PTPRD: variants seen among roughly 807,000 people sequenced by gnomAD.
PTPRD encodes the protein protein tyrosine phosphatase receptor type D, also known as receptor-type tyrosine-protein phosphatase delta.
In PTPRD, 34 loss-of-function variants were observed where a neutral mutation model predicts 214.5. That is an observed-to-expected ratio of 0.16 (90% confidence interval 0.12 to 0.21). The LOEUF is 0.21. PTPRD is among the 10% of genes least tolerant of loss of function. The pLI is 1.00. For synonymous variants in PTPRD, 1,128 were observed against 845.7 expected, an observed-to-expected ratio of 1.33 and a Z score of -5.79; for missense variants, 2,545 against 2,398.7, an observed-to-expected ratio of 1.06 and a Z score of -1.27.
At chr9:8,639,849 C>G (rs2096534558) in intron 12 of PTPRD, among the ~76,000 whole-genome samples, 1 of 152,200 alleles carries the variant, frequency 6.6e-6, no homozygotes, top group South Asian at 2.1e-4. Context: ...TTCCCATACA[C>G]TTGGAGAATA....
At chr9:9,378,960 C>T (rs1596677314) in intron 9 of PTPRD, among the ~76,000 whole-genome samples, 1 of 151,356 alleles carries the variant, frequency 6.6e-6, no homozygotes, top group Non-Finnish European at 1.5e-5. Context: ...GGCTTATCTT[C>T]TCATTCTCTT....
chr9:8,967,941 C>A (rs568444037), intron 11 of PTPRD, among the ~76,000 whole-genome samples: 1 of 152,132 alleles, frequency 6.6e-6, no homozygotes, highest in Non-Finnish European at 1.5e-5. Context: ...GTGTGATGTT[C>A]CCCTTCCTGT....
At chr9:9,503,275 CAA>C (rs2096477541) in intron 8 of PTPRD, among the ~76,000 whole-genome samples, 1 of 89,702 alleles carries the variant, frequency 1.1e-5, no homozygotes, top group African/African-American at 6.5e-5. Context: ...GTACCTATAC[CAA>C]AAAAAGTTTT....
chr9:8,833,723 C>T (rs1280244188), intron 11 of PTPRD, among the ~76,000 whole-genome samples: 6 of 146,712 alleles, frequency 4.1e-5, no homozygotes, highest in African/African-American at 7.9e-5. Flanking sequence ...TATACACACA[C>T]ACACACACAC....
At chr9:10,082,134 T>C (rs2098248836) in intron 3 of PTPRD, among the ~76,000 whole-genome samples, 2 of 152,092 alleles carry the variant, frequency 1.3e-5, no homozygotes, top group South Asian at 4.1e-4. Context: ...AATCCAAAAT[T>C]CAATGATAGC....
intron 43 of PTPRD, among the ~76,000 whole-genome samples, chr9:8,337,620 A>G (rs1431306111): frequency 6.6e-6 from 1 of 151,950 alleles, no homozygotes; most frequent in African/African-American, 2.4e-5. Flanking sequence ...ACAAACAGCA[A>G]ATGTAGTAGC....
intron 14 of PTPRD, among the ~76,000 whole-genome samples, chr9:8,625,849 T>C (rs2096010415): frequency 6.6e-6 from 1 of 151,354 alleles, no homozygotes; most frequent in Non-Finnish European, 1.5e-5. Context: ...GATATGACTA[T>C]TCCCCGATTG....
At chr9:8,847,403 T>C (rs10815974) in intron 11 of PTPRD, among the ~76,000 whole-genome samples, 31,949 of 152,032 alleles carry the variant, frequency 0.21, 4,043 homozygotes, top group South Asian at 0.35. Context: ...TACACCCTGC[T>C]TCATGCTTCT....
intron 9 of PTPRD, among the ~76,000 whole-genome samples, chr9:9,340,439 A>G (rs2046340772): frequency 6.6e-6 from 1 of 152,230 alleles, no homozygotes; most frequent in African/African-American, 2.4e-5. Context: ...CATTATGGAT[A>G]AAATATTACC....
chr9:8,525,958 T>C, intron 17 of PTPRD, among the ~76,000 whole-genome samples: 1 of 150,960 alleles, frequency 6.6e-6, no homozygotes, highest in Non-Finnish European at 1.5e-5. Flanking sequence ...GATCCAAAAA[T>C]CCGGAGACGA....
At chr9:10,531,702 T>G (rs552956377) in intron 2 of PTPRD, among the ~76,000 whole-genome samples, 1 of 152,294 alleles carries the variant, frequency 6.6e-6, no homozygotes, top group African/African-American at 2.4e-5. Context: ...TCTTTCTACA[T>G]GCCATGGCTC....
chr9:8,783,280 G>A (rs2095811165), intron 11 of PTPRD, among the ~76,000 whole-genome samples: 1 of 152,058 alleles, frequency 6.6e-6, no homozygotes, highest in African/African-American at 2.4e-5. Flanking sequence ...CATAAATAGA[G>A]CACAATGTTG....
intron 3 of PTPRD, among the ~76,000 whole-genome samples, chr9:10,303,201 A>AT (rs545820029): frequency 9.9e-5 from 15 of 152,132 alleles, no homozygotes; most frequent in Non-Finnish European, 2.2e-4. Context: ...TAAAGATGTT[A>AT]TTTGAAACCA....
At chr9:9,760,894 A>G (rs1021879481) in intron 6 of PTPRD, among the ~76,000 whole-genome samples, 4 of 152,210 alleles carry the variant, frequency 2.6e-5, no homozygotes, top group Non-Finnish European at 5.9e-5. Flanking sequence ...AGAACGATCA[A>G]CACCACCAAA....
At chr9:10,171,626 G>A (rs1246981409) in intron 3 of PTPRD, among the ~76,000 whole-genome samples, 1 of 152,070 alleles carries the variant, frequency 6.6e-6, no homozygotes. Flanking sequence ...CCGGGTTCAC[G>A]CCATTCTCCT....
chr9:10,144,505 G>C (rs1335797900), intron 3 of PTPRD, among the ~76,000 whole-genome samples: 13 of 151,972 alleles, frequency 8.6e-5, no homozygotes, highest in Admixed American at 8.6e-4. Flanking sequence ...AACCCACATT[G>C]TCTAAAAATA....
At chr9:9,958,095 C>G (rs2094083931) in intron 4 of PTPRD, among the ~76,000 whole-genome samples, 1 of 152,044 alleles carries the variant, frequency 6.6e-6, no homozygotes, top group Non-Finnish European at 1.5e-5. Flanking sequence ...AGATCAAACA[C>G]CTAAATATTA....
chr9:10,526,474 T>C (rs1287303713), intron 2 of PTPRD, among the ~76,000 whole-genome samples: 3 of 152,048 alleles, frequency 2.0e-5, no homozygotes, highest in Non-Finnish European at 1.5e-5. Flanking sequence ...AATAAATAAG[T>C]AAAAGGATGT....
At chr9:9,321,768 G>C (rs1345074304) in intron 9 of PTPRD, among the ~76,000 whole-genome samples, 1 of 152,090 alleles carries the variant, frequency 6.6e-6, no homozygotes, top group Non-Finnish European at 1.5e-5. Flanking sequence ...TGTAGAATGG[G>C]AGTTGTAGCA....
Sources: gnomAD v4.1 joint callset for allele counts (sites outside exome capture counted in the v4.1 genomes callset) on GRCh38, gnomAD v4.1.1 for gene constraint, MANE v1.5 for transcripts, NCBI Gene and HGNC (gene_info 2026-07-23, HGNC 2026-07-21) for gene names.